CRACR2A: variants seen among roughly 807,000 people sequenced by gnomAD.
The protein encoded by CRACR2A is calcium release activated channel regulator 2A.
In CRACR2A, 79 loss-of-function variants were observed where a neutral mutation model predicts 90.5. That is an observed-to-expected ratio of 0.87 (90% CI 0.73 to 1.05). The LOEUF is 1.05. Ranked by LOEUF, CRACR2A falls within the 50% of genes least tolerant of loss-of-function variation. The pLI is 0.00. For missense variants in CRACR2A, 823 were observed against 897.2 expected, an observed-to-expected ratio of 0.92 and a Z score of 1.06; for synonymous variants, 338 against 356.7, an observed-to-expected ratio of 0.95 and a Z score of 0.59.
chr12:3,712,287 A>T (rs753982878), intron 3 of CRACR2A, among the ~76,000 whole-genome samples: 26 of 151,984 alleles, frequency 1.7e-4, no homozygotes, highest in Non-Finnish European at 2.9e-4. Context: ...TCATTCTTGC[A>T]TTGCTATAAA....
At chr12:3,643,357 C>T (rs1339396175) in intron 12 of CRACR2A, among the ~76,000 whole-genome samples, 1 of 152,140 alleles carries the variant, frequency 6.6e-6, no homozygotes, top group Non-Finnish European at 1.5e-5. Flanking sequence ...GGGTGCAATC[C>T]ACATCATCCC....
intron 4 of CRACR2A, among the ~76,000 whole-genome samples, chr12:3,692,505 C>T (rs573640893): frequency 1.2e-3 from 142 of 113,852 alleles, no homozygotes; most frequent in Middle Eastern, 9.3e-3. Flanking sequence ...TAGGAATCCA[C>T]GCTGGGGGTG....
In CRACR2A at chr12:3,615,460, G is replaced by A. The variant is rs568867188; in HGVS notation, c.2112-21C>T. On this transcript the variant is annotated intron_variant, in intron 19 of 19. Transcript: ENST00000440314. Reference sequence around the variant, plus strand: ...GGAACCTGGGAGAGGGGAAGAGATCGTGTCAGTGATGGAGAAGTTGATAGG... The same window carrying A: ...GGAACCTGGGAGAGGGGAAGAGATCATGTCAGTGATGGAGAAGTTGATAGG... The A allele has an allele frequency of 1.2e-4, 178 of 1,539,282 alleles. No homozygotes were observed. The South Asian group carries it at 1.3e-3, about 11-fold the overall frequency.
chr12:3,666,775 C>G (rs1377626984), intron 7 of CRACR2A, among the ~76,000 whole-genome samples: 2 of 152,214 alleles, frequency 1.3e-5, no homozygotes, highest in Non-Finnish European at 2.9e-5. Flanking sequence ...TTTTTCTCTC[C>G]TTTGTCCTCC....
At chr12:3,690,917 C>A (rs1234496990) in intron 4 of CRACR2A, among the ~76,000 whole-genome samples, 1 of 152,010 alleles carries the variant, frequency 6.6e-6, no homozygotes, top group Admixed American at 6.6e-5. Context: ...TATGTAATGC[C>A]CTTCTTTGTC....
chr12:3,632,685 T>C (rs780625741), intron 15 of CRACR2A, among the ~76,000 whole-genome samples: 3 of 152,220 alleles, frequency 2.0e-5, no homozygotes, highest in Non-Finnish European at 2.9e-5. Flanking sequence ...CTAACCTCTC[T>C]GGACCTCAGT....
chr12:3,729,273 C>T (rs1053390046), intron 2 of CRACR2A: 1 of 152,204 alleles, frequency 6.6e-6, no homozygotes, highest in Non-Finnish European at 1.5e-5. Flanking sequence ...CGCATTGTCA[C>T]CCACCTTTTT....
At chr12:3,727,210 G>C (rs1946284481) in intron 2 of CRACR2A, 1 of 150,694 alleles carries the variant, frequency 6.6e-6, no homozygotes, top group Admixed American at 6.6e-5. Context: ...TGGGCGGTGA[G>C]AAGAAGAGGA....
intron 7 of CRACR2A, among the ~76,000 whole-genome samples, chr12:3,661,824 A>C (rs1432595252): frequency 6.6e-6 from 1 of 152,262 alleles, no homozygotes; most frequent in African/African-American, 2.4e-5. Context: ...AGATGAGAGA[A>C]ACTTAAACAT....
intron 17 of CRACR2A, among the ~76,000 whole-genome samples, chr12:3,623,963 T>A (rs1047270177): frequency 6.6e-6 from 1 of 152,188 alleles, no homozygotes; most frequent in Non-Finnish European, 1.5e-5. Flanking sequence ...TCAAATGCCA[T>A]CATACACTGT....
intron 2 of CRACR2A, among the ~76,000 whole-genome samples, chr12:3,720,245 G>A (rs1946137641): frequency 7.7e-6 from 1 of 130,360 alleles, no homozygotes; most frequent in Non-Finnish European, 1.6e-5. Context: ...AAGAAAGAAA[G>A]AAAGAAAGAG....
At position 3,638,587 on chromosome 12, in the gene CRACR2A, G is replaced by C. The variant is rs1369736414; in HGVS notation, c.1272-133C>G. The C allele has an allele frequency of 6.7e-6, 7 of 1,050,922 alleles. No individual in the cohort carries two copies. The East Asian group carries it at 1.8e-4, about 28-fold the overall frequency. The allele number at this position is 1,050,922 out of a possible 1,614,324, so 65.1% of individuals were successfully genotyped here. ...TTTGGACAAGAGCAGTCCGGGAGAG[G>C]GAAAAACAAACCAGCCAGCATTCTG... On this transcript the variant is annotated intron_variant, in intron 13 of 19. Transcript: ENST00000440314.
chr12:3,665,100 G>T (rs1297158207), intron 7 of CRACR2A, among the ~76,000 whole-genome samples: 1 of 152,170 alleles, frequency 6.6e-6, no homozygotes, highest in Non-Finnish European at 1.5e-5. Context: ...TAATCATTTT[G>T]AGTTATGTAA....
chr12:3,696,866 G>C lies in CRACR2A; in HGVS notation c.134C>G (p.Thr45Arg), dbSNP rs770941690. ...SLEQKETQEQTSGQLVMLRKA... is the reference protein window; with the variant it reads ...SLEQKETQEQRSGQLVMLRKA... ...CCTCAGCATGACTAGCTGGCCCGAC[G>C]TTTGCTCCTGAGTCTCCTTCTGCTC... The change falls in exon 4 of 20, where the codon ACG becomes AGG. Residue 45 changes from threonine to arginine, a missense_variant. Thr to Arg is a moderately conservative substitution (Grantham distance 71). Coordinates refer to ENST00000440314, the MANE Select transcript of CRACR2A (RefSeq NM_001144958.2). The C allele has an allele frequency of 6.2e-7, 1 of 1,614,202 alleles. No individual in the cohort carries two copies. The highest frequency in any genetic ancestry group is 8.5e-7 in the Non-Finnish European group (1 of 1,180,042).
intron 5 of CRACR2A, among the ~76,000 whole-genome samples, 175 bp from the exon 6 acceptor site, chr12:3,679,273 A>G (rs17836269): frequency 0.13 from 20,326 of 152,170 alleles, 1,492 homozygotes; most frequent in Admixed American, 0.21. Context: ...AGATTCTGTG[A>G]CTTTTCCACT....
chr12:3,752,869 C>CG (rs1946730868), intron 1 of CRACR2A, 146 bp downstream of exon 1: 1 of 152,366 alleles, frequency 6.6e-6, no homozygotes, highest in African/African-American at 2.4e-5. Flanking sequence ...GCTGTTCCCC[C>CG]CCAAGGGCAC....
At chr12:3,666,338 T>TGC (rs1945140823) in intron 7 of CRACR2A, among the ~76,000 whole-genome samples, 1 of 134,854 alleles carries the variant, frequency 7.4e-6, no homozygotes, top group African/African-American at 2.9e-5. Context: ...TGCGTGTGTG[T>TGC]GTGTGTGTGT....
intron 3 of CRACR2A, among the ~76,000 whole-genome samples, chr12:3,703,247 C>A (rs777396070): frequency 6.6e-6 from 1 of 152,132 alleles, no homozygotes; most frequent in Non-Finnish European, 1.5e-5. Flanking sequence ...CGCCACCACG[C>A]CCAGCTAATT....
intron 7 of CRACR2A, among the ~76,000 whole-genome samples, chr12:3,661,224 C>A (rs1945028825): frequency 6.6e-6 from 1 of 152,184 alleles, no homozygotes; most frequent in Non-Finnish European, 1.5e-5. Flanking sequence ...GAACAGGAGT[C>A]ATTTTGATTG....
Sources: allele counts gnomAD v4.1 joint callset (sites outside exome capture counted in the v4.1 genomes callset), GRCh38; gene constraint gnomAD v4.1.1; transcripts MANE v1.5; gene names NCBI Gene and HGNC (gene_info 2026-07-23, HGNC 2026-07-21).